RNF216: variants seen among roughly 807,000 people sequenced by gnomAD.
RNF216 encodes E3 ubiquitin-protein ligase RNF216.
RNF216 carries 72 observed loss-of-function variants against 110.8 expected under a neutral mutation model. That is an observed-to-expected ratio of 0.65 (90% CI 0.54 to 0.79). RNF216 has a LOEUF of 0.79. RNF216 is among the 30% of genes least tolerant of loss of function. RNF216 has a pLI of 0.00. For synonymous variants in RNF216, 495 were observed against 407.5 expected, an observed-to-expected ratio of 1.21 and a Z score of -2.59; for missense variants, 1,342 against 1,141.2, an observed-to-expected ratio of 1.18 and a Z score of -2.54.
chr7:5,644,160 T>C (rs1787910414), intron 14 of RNF216, among the ~76,000 whole-genome samples: 2 of 152,248 alleles, frequency 1.3e-5, no homozygotes, highest in Admixed American at 1.3e-4. Flanking sequence ...GCACAAGTTT[T>C]ATATGGACAC....
At chr7:5,629,853 G>A (rs191878580) in intron 15 of RNF216, among the ~76,000 whole-genome samples, 5,855 of 149,240 alleles carry the variant, frequency 0.039, 161 homozygotes, top group East Asian at 0.086. Context: ...AAAAAAAGAG[G>A]GAGGGAGGGT....
At chr7:5,770,130 T>C (rs1796420202) in intron 1 of RNF216, among the ~76,000 whole-genome samples, 1 of 150,236 alleles carries the variant, frequency 6.7e-6, no homozygotes, top group Non-Finnish European at 1.5e-5. Context: ...GCAGATTGCT[T>C]GAGCACAGAA....
At chr7:5,658,805 C>T (rs1164651096) in intron 13 of RNF216, among the ~76,000 whole-genome samples, 1 of 151,950 alleles carries the variant, frequency 6.6e-6, no homozygotes, top group Admixed American at 6.6e-5. Flanking sequence ...ATGTAACGTA[C>T]AAATAAACAC....
At chr7:5,740,932 T>TATA in intron 4 of RNF216, 41 bp downstream of exon 4, 2 of 1,525,626 alleles carry the variant, frequency 1.3e-6, no homozygotes, top group African/African-American at 1.4e-5. Flanking sequence ...AAAAACTCAG[T>TATA]ATATGTAGTG....
intron 14 of RNF216, chr7:5,650,093 G>C (rs914810578): frequency 6.6e-6 from 1 of 152,180 alleles, no homozygotes; most frequent in Non-Finnish European, 1.5e-5. Flanking sequence ...GTAGGAATGT[G>C]TCATCTCTAT....
At chr7:5,739,472 C>G in intron 4 of RNF216, 120 bp from the exon 5 acceptor site, 3 of 985,702 alleles carry the variant, frequency 3.0e-6, no homozygotes, top group Non-Finnish European at 4.7e-6. Flanking sequence ...GGCTGTGAAG[C>G]AGGTCTGTGT....
intron 13 of RNF216, among the ~76,000 whole-genome samples, chr7:5,709,205 G>A (rs751234065): frequency 6.6e-6 from 1 of 152,282 alleles, no homozygotes; most frequent in South Asian, 2.1e-4. Context: ...TTTCCTGTGA[G>A]ACAAGACAGA....
chr7:5,644,908 T>C (rs1787963998), intron 14 of RNF216, among the ~76,000 whole-genome samples: 1 of 150,100 alleles, frequency 6.7e-6, no homozygotes, highest in African/African-American at 2.5e-5. Context: ...CACTGCAACC[T>C]CCACCTCCTG....
intron 8 of RNF216, among the ~76,000 whole-genome samples, chr7:5,722,580 C>T (rs574558151): frequency 5.9e-5 from 9 of 151,538 alleles, no homozygotes; most frequent in South Asian, 2.1e-4. Context: ...TTAGTAAAGA[C>T]GGGGTTTCAC....
intron 13 of RNF216, among the ~76,000 whole-genome samples, chr7:5,670,571 G>C (rs544694838): frequency 6.6e-6 from 1 of 152,294 alleles, no homozygotes; most frequent in Admixed American, 6.5e-5. Flanking sequence ...TTATGAGCAA[G>C]AAATTAATGG....
At chr7:5,648,745 A>G (rs2128573656) in intron 14 of RNF216, among the ~76,000 whole-genome samples, 1 of 151,836 alleles carries the variant, frequency 6.6e-6, no homozygotes, top group South Asian at 2.1e-4. Flanking sequence ...AAAAAAAGAA[A>G]AGAAAAAAAG....
At chr7:5,765,856 TGA>T (rs1796177653) in intron 1 of RNF216, among the ~76,000 whole-genome samples, 1 of 147,678 alleles carries the variant, frequency 6.8e-6, no homozygotes, top group African/African-American at 2.5e-5. Context: ...CTCAGGAGGC[TGA>T]GGCAGAATTG....
At chr7:5,748,715 A>T in intron 3 of RNF216, among the ~76,000 whole-genome samples, 1 of 152,072 alleles carries the variant, frequency 6.6e-6, no homozygotes, top group East Asian at 1.9e-4. Context: ...TGCTATTAGT[A>T]GTTAAGTAGT....
At chr7:5,737,662 T>C (rs1794506666) in intron 5 of RNF216, among the ~76,000 whole-genome samples, 1 of 152,078 alleles carries the variant, frequency 6.6e-6, no homozygotes, top group Non-Finnish European at 1.5e-5. Flanking sequence ...AGTACCTACA[T>C]TGGGCTAAGC....
At chr7:5,721,925 TATG>T (rs1436732487) in intron 8 of RNF216, among the ~76,000 whole-genome samples, 22 of 152,324 alleles carry the variant, frequency 1.4e-4, no homozygotes. Context: ...TTTGGCAATT[TATG>T]ATTTTCTTTT....
At chr7:5,738,501 G>T (rs1005017599) in intron 5 of RNF216, among the ~76,000 whole-genome samples, 1 of 152,102 alleles carries the variant, frequency 6.6e-6, no homozygotes, top group East Asian at 1.9e-4. Context: ...GAGGTCAGGA[G>T]ATCGAGACCA....
chr7:5,704,186 A>G (rs1226086374), intron 13 of RNF216, among the ~76,000 whole-genome samples: 2 of 152,218 alleles, frequency 1.3e-5, no homozygotes, highest in Non-Finnish European at 2.9e-5. Flanking sequence ...GATTCCAGCC[A>G]TTCAAGTCCT....
intron 2 of RNF216, among the ~76,000 whole-genome samples, chr7:5,756,313 G>A (rs1584584042): frequency 6.6e-6 from 1 of 152,130 alleles, no homozygotes; most frequent in African/African-American, 2.4e-5. Flanking sequence ...CCAGTCTCAG[G>A]CATTTCTTCC....
At chr7:5,708,236 G>T (rs1019351861) in intron 13 of RNF216, among the ~76,000 whole-genome samples, 4 of 152,220 alleles carry the variant, frequency 2.6e-5, no homozygotes. Flanking sequence ...AGAATATTTT[G>T]TATGTGTCTG....
Sources: gnomAD v4.1 joint callset for allele counts (sites outside exome capture counted in the v4.1 genomes callset) on GRCh38, gnomAD v4.1.1 for gene constraint, MANE v1.5 for transcripts, NCBI Gene and HGNC (gene_info 2026-07-23, HGNC 2026-07-21) for gene names.